The following HAS1 variants were observed in gnomAD, a reference collection of about 807,000 sequenced individuals.
The protein encoded by HAS1 is hyaluronan synthase 1, also known as HA synthase 1.
A neutral mutation model predicts 35.0 loss-of-function variants in HAS1; 27 were observed. The observed-to-expected ratio is 0.77, with a 90% CI of 0.57 to 1.06. HAS1 has a LOEUF of 1.06. Among genes scored for constraint, HAS1 ranks in the 50% least tolerant of loss-of-function variants. The pLI is 0.00. For synonymous variants in HAS1, 409 were observed against 371.2 expected (o/e 1.10, Z -1.17); for missense variants, 940 against 814.8 (o/e 1.15, Z -1.87).
chr19:51,713,532 C>T lies in HAS1; in HGVS notation c.1629G>A (p.Gly543=). 3 of 1,595,216 alleles carry T rather than the reference C, an allele frequency of 1.9e-6. No homozygotes were observed. Among genetic ancestry groups the T allele is most frequent in the Non-Finnish European group, 2.6e-6 (3 of 1,171,850 alleles). Residue 543 remains glycine (G), a synonymous_variant, in exon 5 of 5, where the codon GGG becomes GGA. Coordinates refer to ENST00000540069, the MANE Select transcript of HAS1 (RefSeq NM_001297436.2). The surrounding 1 kb of genome is among the most constrained non-coding windows in gnomAD (Gnocchi z 4.5). ...CCCAGTAGCCCACGTAGGCGCCGGCCCCCGCGGCCAAGTGGTAGGCCTCGG... is the reference window on the plus strand; with the variant it reads ...CCCAGTAGCCCACGTAGGCGCCGGCTCCCGCGGCCAAGTGGTAGGCCTCGG... ...RAAEAYHLAA[G]AGAYVGYWVA... is the part of the protein sequence containing the mutation.
chr19:51,713,352 T>C lies in HAS1; in HGVS notation c.*75A>G, dbSNP rs900757880. 3.7e-6 allele frequency: 5 copies of C among 1,366,408 alleles called. No individual in the cohort carries two copies. Among genetic ancestry groups the C allele is most frequent in the Non-Finnish European group, 4.8e-6 (5 of 1,043,116 alleles). The allele number at this position is 1,366,408 out of a possible 1,614,324, so 84.6% of individuals were successfully genotyped here. A position where few individuals can be genotyped will look rare whatever the true frequency, so the allele number is the denominator to read the frequency against. On this transcript the variant is annotated 3_prime_UTR_variant, in exon 5 of 5. Transcript: ENST00000540069. The surrounding 1 kb of genome is among the most constrained non-coding windows in gnomAD (Gnocchi z 4.5). ...GAGGCCCAGAGAACCACCCAGCAAG[T>C]TCGTGGCTCGGGGCCCAGCAGCTCT... is the stretch of plus-strand genomic sequence containing the variant.
In HAS1 at chr19:51,713,798, G is replaced by A; in HGVS notation, c.1363C>T (p.Leu455=). 1.2e-6 allele frequency: 2 copies of A among 1,605,932 alleles called. No homozygotes were observed. The highest frequency in any genetic ancestry group is 1.7e-6 in the Non-Finnish European group (2 of 1,177,012). Residue 455 remains leucine (L), a synonymous_variant, in exon 5 of 5, where the codon CTG becomes TTG. Coordinates refer to ENST00000540069, the MANE Select transcript of HAS1 (RefSeq NM_001297436.2). The surrounding 1 kb of genome is among the most constrained non-coding windows in gnomAD (Gnocchi z 4.5). The stretch of plus-strand genomic sequence containing the variant: ...TAGAGCGACAGAAGCACCATGCGCA[G>A]GCAGCCCCGCAGCCAGGCCGCGAAG... The part of the protein sequence containing the change: ...AAFAAWLRGC[L]RMVLLSLYAP...
At chr19:51,715,349 C>T (rs1379080015) in intron 4 of HAS1, among the ~76,000 whole-genome samples, 1 of 152,072 alleles carries the variant, frequency 6.6e-6, no homozygotes, top group African/African-American at 2.4e-5. Context: ...TAATACTCCC[C>T]CAGTTCAGTG....
At chr19:51,723,089 A>G (rs2083641497) in intron 1 of HAS1, among the ~76,000 whole-genome samples, 1 of 152,228 alleles carries the variant, frequency 6.6e-6, no homozygotes, top group East Asian at 1.9e-4. Flanking sequence ...CTGGGGATCC[A>G]GAGAGTTGAT....
intron 2 of HAS1, among the ~76,000 whole-genome samples, chr19:51,718,272 G>C (rs1204759340): frequency 1.3e-5 from 2 of 151,904 alleles, no homozygotes; most frequent in African/African-American, 4.8e-5. Context: ...AAATGGGATG[G>C]ATGAATGAGA....
chr19:51,720,641 G>A (rs2083625312), intron 1 of HAS1, among the ~76,000 whole-genome samples: 1 of 150,926 alleles, frequency 6.6e-6, no homozygotes, highest in Non-Finnish European at 1.5e-5. Context: ...CACAAGGCTG[G>A]AGTCACTATG....
At chr19:51,720,662 T>TA (rs71852974) in intron 1 of HAS1, among the ~76,000 whole-genome samples, 32,406 of 147,660 alleles carry the variant, frequency 0.22, 3,492 homozygotes, top group Admixed American at 0.29. Context: ...CCTTGCTAAT[T>TA]AAAAAAAAAA....
At chr19:51,719,185 G>A (rs774316728) in intron 2 of HAS1, 21 bp downstream of exon 2, 2 of 1,474,538 alleles carry the variant, frequency 1.4e-6, no homozygotes, top group East Asian at 4.9e-5. Context: ...TCACGAGTGG[G>A]CTGAAGGCGC....
In HAS1 at chr19:51,719,882, G is replaced by A. The variant is rs372499286; in HGVS notation, c.23C>T (p.Pro8Leu). Reference sequence around the variant, plus strand: ...GGAGCAGCGGCAGGCTGCAGGAGTGGGCTTGGGCGCGTCCTGCTGGGAGCG... The same window carrying A: ...GGAGCAGCGGCAGGCTGCAGGAGTGAGCTTGGGCGCGTCCTGCTGGGAGCG... MRQDAPK[P>L]TPAACRCSGL... The change falls in exon 2 of 5, where the codon CCC (proline) becomes CTC (leucine). Residue 8 changes from proline to leucine, a missense_variant. By Grantham distance (98) the Pro-to-Leu change is moderately conservative (BLOSUM62 -3). Coordinates refer to ENST00000540069, the MANE Select transcript of HAS1 (RefSeq NM_001297436.2). 51 of 1,536,556 alleles carry A rather than the reference G, an allele frequency of 3.3e-5. No individual in the cohort carries two copies. The highest frequency in any genetic ancestry group is 4.2e-5 in the Non-Finnish European group (48 of 1,146,384).
chr19:51,720,411 G>T (rs183228596), intron 1 of HAS1, among the ~76,000 whole-genome samples: 1 of 151,756 alleles, frequency 6.6e-6, no homozygotes, highest in African/African-American at 2.4e-5. Flanking sequence ...CTACCTCGCC[G>T]GGCCCCAAAA....
chr19:51,719,432 G>C lies in HAS1; in HGVS notation c.473C>G (p.Thr158Arg), dbSNP rs1182853444. 2.6e-6 allele frequency: 4 copies of C among 1,555,636 alleles called. No homozygotes were observed. Among genetic ancestry groups the C allele is most frequent in the Non-Finnish European group, 3.5e-6 (4 of 1,149,186 alleles). The change falls in exon 2 of 5, where the codon ACG (threonine) becomes AGG (arginine). Residue 158 changes from threonine (T) to arginine (R), a missense_variant. Thr to Arg is a moderately conservative substitution (Grantham distance 71). Coordinates refer to ENST00000540069, the MANE Select transcript of HAS1 (RefSeq NM_001297436.2). ...GTGGTAGTTGCCGTCCCACACGTAC[G>C]TGGCGGGGTCCTCGTCAGCGAAGAC... Reference protein sequence around the residue: ...REVFADEDPATYVWDGNYHQP... With the variant: ...REVFADEDPARYVWDGNYHQP...
intron 4 of HAS1, among the ~76,000 whole-genome samples, chr19:51,715,428 C>T (rs4802850): frequency 1.3e-5 from 2 of 151,788 alleles, no homozygotes; most frequent in Admixed American, 1.3e-4. Flanking sequence ...ACTTCACCCC[C>T]AACCCCAAAA....
chr19:51,719,143 G>T, intron 2 of HAS1, 63 bp downstream of exon 2: 1 of 990,200 alleles, frequency 1.0e-6, no homozygotes, highest in Non-Finnish European at 1.5e-6. Context: ...TTGAAGGAAA[G>T]ACCCCAGGAA....
Position 51,717,212 on chromosome 19 carries a change from C to G in HAS1, c.700-19G>C. On this transcript the variant is annotated intron_variant, in intron 2 of 4. Coordinates refer to ENST00000540069, the MANE Select transcript of HAS1 (RefSeq NM_001297436.2). ...CACAGACCTGTAAGGTGGAAGGGGC[C>G]AGGATCAGCACAGACCCCTGCATCA... The G allele has an allele frequency of 6.5e-7, 1 of 1,544,308 alleles. No homozygotes were observed. Among genetic ancestry groups the G allele is most frequent in the African/African-American group, 1.4e-5 (1 of 73,868 alleles).
chr19:51,714,390 A>G (rs1265088795), intron 4 of HAS1, among the ~76,000 whole-genome samples: 1 of 144,968 alleles, frequency 6.9e-6, no homozygotes, highest in Non-Finnish European at 1.5e-5. Context: ...AAATAAATAA[A>G]TAAATAAGCA....
chr19:51,720,839 T>A (rs1309758292), intron 1 of HAS1, among the ~76,000 whole-genome samples: 2 of 151,984 alleles, frequency 1.3e-5, no homozygotes, highest in Non-Finnish European at 2.9e-5. Flanking sequence ...TGCGATGGAG[T>A]GTCACAATTT....
At chr19:51,716,642 C>T (rs2083588500) in intron 3 of HAS1, among the ~76,000 whole-genome samples, 1 of 152,114 alleles carries the variant, frequency 6.6e-6, no homozygotes, top group Admixed American at 6.6e-5. Flanking sequence ...CATCACCAAT[C>T]CCATATCCAT....
At chr19:51,716,206 A>G in intron 4 of HAS1, 50 bp downstream of exon 4, 1 of 1,529,614 alleles carries the variant, frequency 6.5e-7, no homozygotes. Flanking sequence ...ACACGCTAGG[A>G]TATTCATTGG....
chr19:51,715,446 T>G (rs780712621), intron 4 of HAS1, among the ~76,000 whole-genome samples: 18 of 152,068 alleles, frequency 1.2e-4, no homozygotes, highest in Non-Finnish European at 2.4e-4. Context: ...AAACTTCCTA[T>G]CCACCACCCT....
Sources: allele counts gnomAD v4.1 joint callset (sites outside exome capture counted in the v4.1 genomes callset), GRCh38; gene constraint gnomAD v4.1.1; non-coding constraint Gnocchi (gnomAD v3.1); transcripts MANE v1.5; gene names NCBI Gene and HGNC (gene_info 2026-07-23, HGNC 2026-07-21).